The following CFAP299 variants were observed in gnomAD, a reference collection of about 807,000 sequenced individuals.
The protein encoded by CFAP299 is cilia and flagella associated protein 299, also known as cilia- and flagella-associated protein 299.
CFAP299 carries 21 observed loss-of-function variants against 27.0 expected under a neutral mutation model. The ratio of observed to expected loss-of-function variants is 0.78; its 90% CI spans 0.55 to 1.12. CFAP299 has a LOEUF of 1.12. Ranked by LOEUF, CFAP299 falls within the 50% of genes most tolerant of loss-of-function variation. The pLI is 0.00. For missense variants in CFAP299, 310 were observed against 276.6 expected (o/e 1.12, Z -0.86); for synonymous variants, 104 against 98.1 (o/e 1.06, Z -0.36).
the CFAP299 span, among the ~76,000 whole-genome samples, chr4:80,321,745 A>G: frequency 6.6e-6 from 1 of 152,236 alleles, no homozygotes; most frequent in Non-Finnish European, 1.5e-5. Context: ...GTTTAAGGAC[A>G]GGATGCCATC....
chr4:80,802,453 A>G (rs1728662320), intron 3 of CFAP299, among the ~76,000 whole-genome samples: 1 of 152,046 alleles, frequency 6.6e-6, no homozygotes, highest in Non-Finnish European at 1.5e-5. Flanking sequence ...TGCCTTTAAC[A>G]TGCTTTCATT....
intron 2 of CFAP299, among the ~76,000 whole-genome samples, chr4:80,416,566 C>T (rs897181264): frequency 6.6e-6 from 1 of 152,130 alleles, no homozygotes; most frequent in African/African-American, 2.4e-5. Flanking sequence ...TTCTCTATGA[C>T]ATTTCAAGAT....
chr4:80,882,668 A>G (rs1024055040), intron 4 of CFAP299, among the ~76,000 whole-genome samples: 1 of 152,150 alleles, frequency 6.6e-6, no homozygotes, highest in Non-Finnish European at 1.5e-5. Context: ...AAAAGTGGTA[A>G]GTAAAAAGTG....
chr4:80,768,096 T>G (rs1725997957), intron 3 of CFAP299, among the ~76,000 whole-genome samples: 1 of 152,222 alleles, frequency 6.6e-6, no homozygotes, highest in African/African-American at 2.4e-5. Context: ...TTTTAACAAG[T>G]GCAGTCCAGA....
intron 3 of CFAP299, among the ~76,000 whole-genome samples, chr4:80,622,332 T>G (rs968303978): frequency 6.6e-6 from 1 of 152,096 alleles, no homozygotes; most frequent in East Asian, 1.9e-4. Context: ...AGACATTTTA[T>G]TTTATTGGTT....
At chr4:80,543,915 GA>G (rs142627807) in intron 2 of CFAP299, among the ~76,000 whole-genome samples, 2 of 151,674 alleles carry the variant, frequency 1.3e-5, no homozygotes, top group East Asian at 1.9e-4. Context: ...CAGTGGAAAA[GA>G]AAAAAAATCT....
intron 2 of CFAP299, among the ~76,000 whole-genome samples, chr4:80,568,344 G>T (rs756029468): frequency 6.6e-6 from 1 of 151,904 alleles, no homozygotes; most frequent in East Asian, 1.9e-4. Flanking sequence ...TATGTATCAT[G>T]TTTCCTTTGT....
intron 3 of CFAP299, among the ~76,000 whole-genome samples, chr4:80,736,293 T>C (rs939748957): frequency 7.2e-5 from 11 of 152,184 alleles, no homozygotes; most frequent in Admixed American, 1.3e-4. Context: ...TTCAGCTTTC[T>C]ACATATGGCT....
At chr4:80,749,235 T>C (rs756726714) in intron 3 of CFAP299, among the ~76,000 whole-genome samples, 1 of 152,178 alleles carries the variant, frequency 6.6e-6, no homozygotes, top group Admixed American at 6.6e-5. Flanking sequence ...GTGTAAAGCT[T>C]TGAAATCGAC....
rs1475136284 is a variant in CFAP299, at chr4:80,711,483, G to A, written c.333+128300G>A. On this transcript the variant is annotated intron_variant, in intron 3 of 5. Transcript: ENST00000358105. ...TATCTGCTTATCCACCCCTCCCCTC[G>A]GACCTCAGTATGGGCTGGAACCTGG... 2.6e-5 allele frequency among the ~76,000 whole-genome samples: 4 copies of A among 152,108 alleles called. No homozygotes were observed. In the East Asian group the frequency reaches 5.8e-4, roughly 22 times the overall value.
intron 2 of CFAP299, among the ~76,000 whole-genome samples, chr4:80,492,341 T>C (rs753272327): frequency 2.8e-4 from 42 of 152,184 alleles, no homozygotes; most frequent in Admixed American, 5.9e-4. Flanking sequence ...TCTTCAGATA[T>C]TTTACAGATT....
At chr4:80,886,451 A>G (rs191484585) in intron 4 of CFAP299, among the ~76,000 whole-genome samples, 54 of 152,324 alleles carry the variant, frequency 3.5e-4, no homozygotes, top group Middle Eastern at 3.4e-3. Context: ...AAAGTTAGGG[A>G]AAAACACAAG....
At chr4:80,780,647 C>A (rs768402674) in intron 3 of CFAP299, among the ~76,000 whole-genome samples, 1 of 151,882 alleles carries the variant, frequency 6.6e-6, no homozygotes, top group African/African-American at 2.4e-5. Flanking sequence ...TAAATGGGAA[C>A]TTTGGTTAAT....
chr4:80,896,420 CA>C (rs1480190846), intron 4 of CFAP299, among the ~76,000 whole-genome samples: 1 of 152,058 alleles, frequency 6.6e-6, no homozygotes, highest in Non-Finnish European at 1.5e-5. Context: ...GAACTAGTTT[CA>C]AAGTGAATTA....
intron 4 of CFAP299, among the ~76,000 whole-genome samples, chr4:80,911,902 T>G (rs1369683411): frequency 6.6e-6 from 1 of 151,790 alleles, no homozygotes; most frequent in African/African-American, 2.4e-5. Flanking sequence ...ATAACACACT[T>G]AGAACTGAGT....
chr4:80,582,859 G>T (rs1445384370), intron 2 of CFAP299, among the ~76,000 whole-genome samples: 1 of 151,788 alleles, frequency 6.6e-6, no homozygotes, highest in Non-Finnish European at 1.5e-5. Context: ...AATTATATCT[G>T]CCATGAGTCT....
intron 3 of CFAP299, among the ~76,000 whole-genome samples, chr4:80,797,887 G>C (rs1471493648): frequency 1.3e-5 from 2 of 152,084 alleles, no homozygotes. Context: ...CTCACAGTGG[G>C]GGCAATCTTT....
intron 3 of CFAP299, among the ~76,000 whole-genome samples, chr4:80,850,468 G>T (rs1339896211): frequency 6.6e-6 from 1 of 151,852 alleles, no homozygotes; most frequent in African/African-American, 2.4e-5. Flanking sequence ...AAACTTTGAG[G>T]TTAGTTTTAG....
intron 3 of CFAP299, among the ~76,000 whole-genome samples, chr4:80,632,855 GAAGTA>G (rs766047975): frequency 6.6e-6 from 1 of 152,004 alleles, no homozygotes; most frequent in Non-Finnish European, 1.5e-5. Context: ...GTAAAAGAAT[GAAGTA>G]AAGGAAAGAC....
Sources: gnomAD v4.1 joint callset for allele counts (sites outside exome capture counted in the v4.1 genomes callset) on GRCh38, gnomAD v4.1.1 for gene constraint, MANE v1.5 for transcripts, NCBI Gene and HGNC (gene_info 2026-07-23, HGNC 2026-07-21) for gene names.